The following GPR158 variants were observed in gnomAD, a reference collection of about 807,000 sequenced individuals.
GPR158 encodes metabotropic glycine receptor.
GPR158 carries 30 observed loss-of-function variants against 78.2 expected under a neutral mutation model. The ratio of observed to expected loss-of-function variants is 0.38; its 90% CI spans 0.29 to 0.52. The LOEUF (loss-of-function observed/expected upper bound fraction) is 0.52, where lower values mean the gene tolerates loss of function less well. Ranked by LOEUF, GPR158 falls within the 20% of genes least tolerant of loss-of-function variation. The pLI is 0.83. For missense variants in GPR158, 1,463 were observed against 1,523.5 expected (o/e 0.96, Z 0.66); for synonymous variants, 581 against 591.1 (o/e 0.98, Z 0.25).
At chr10:25,505,672 C>T (rs1364547082) in intron 5 of GPR158, among the ~76,000 whole-genome samples, 2 of 152,202 alleles carry the variant, frequency 1.3e-5, no homozygotes, top group Admixed American at 1.3e-4. Flanking sequence ...CAATGCTGTC[C>T]TCAGATCCAG....
intron 5 of GPR158, chr10:25,475,396 G>T (rs917171976): frequency 6.6e-6 from 1 of 151,990 alleles, no homozygotes; most frequent in African/African-American, 2.4e-5. Context: ...GTAATGGCTC[G>T]AGATAATAAC....
chr10:25,510,006 GC>G (rs1404466285), intron 5 of GPR158, among the ~76,000 whole-genome samples: 1 of 152,170 alleles, frequency 6.6e-6, no homozygotes, highest in Non-Finnish European at 1.5e-5. Flanking sequence ...GAGCCACCGT[GC>G]CCAGCCTATA....
intron 5 of GPR158, among the ~76,000 whole-genome samples, chr10:25,546,955 G>C (rs1381109448): frequency 6.6e-6 from 1 of 152,160 alleles, no homozygotes; most frequent in Non-Finnish European, 1.5e-5. Context: ...GTAGAGATCA[G>C]CTAGCTCCAA....
rs559982439 is a variant in GPR158, at chr10:25,560,415, G to A, written c.1514+9330G>A. On this transcript the variant is annotated intron_variant, in intron 6 of 10. Transcript: ENST00000376351. ...TGAGTAGCTGGGACTACAGGTGCCC[G>A]CCACCATGCCCACCTAATTTTTTGT... 2.8e-3 allele frequency among the ~76,000 whole-genome samples: 431 copies of A among 151,866 alleles called. 2 individuals carry two copies. The highest frequency in any genetic ancestry group is 0.01 in the Middle Eastern group (3 of 294).
intron 2 of GPR158, among the ~76,000 whole-genome samples, chr10:25,338,585 A>ATATTATATATATTATTATATATAATACG (rs1554795051): frequency 4.8e-5 from 7 of 146,478 alleles, no homozygotes; most frequent in Non-Finnish European, 9.0e-5. Context: ...TATATAATAC[A>ATATTATATATATTATTATATATAATACG]TATTATATAT....
In GPR158 at chr10:25,372,356, G is replaced by C. The variant is rs534949267; in HGVS notation, c.1009-23555G>C. Among the ~76,000 whole-genome samples, 7 of 151,742 alleles carry C rather than the reference G, an allele frequency of 4.6e-5. No individual in the cohort carries two copies. In the South Asian group the frequency reaches 1.5e-3, roughly 32 times the overall value. On this transcript the variant is annotated intron_variant, in intron 2 of 10. Transcript: ENST00000376351. ...CATTTGACCCAGCCATCCCATTACT[G>C]GGTATATACCCAAAGGGCTGTAAAT...
chr10:25,204,737 G>A (rs1446805849), intron 1 of GPR158, among the ~76,000 whole-genome samples: 1 of 151,028 alleles, frequency 6.6e-6, no homozygotes, highest in African/African-American at 2.4e-5. Flanking sequence ...GTCTCTGTCA[G>A]GCTTTGGTAT....
chr10:25,339,852 G>A (rs1855278023), intron 2 of GPR158, among the ~76,000 whole-genome samples: 1 of 152,112 alleles, frequency 6.6e-6, no homozygotes, highest in African/African-American at 2.4e-5. Flanking sequence ...TTTCTGGAAT[G>A]AACCCAAGTT....
intron 5 of GPR158, among the ~76,000 whole-genome samples, chr10:25,498,922 G>C (rs2130655679): frequency 6.6e-6 from 1 of 152,248 alleles, no homozygotes; most frequent in East Asian, 1.9e-4. Context: ...TCATTTGCTT[G>C]AGGACTTTCG....
At chr10:25,531,415 G>T (rs1836420607) in intron 5 of GPR158, among the ~76,000 whole-genome samples, 1 of 152,152 alleles carries the variant, frequency 6.6e-6, no homozygotes, top group African/African-American at 2.4e-5. Context: ...TGAATAGGAG[G>T]AAGACTAAAA....
At chr10:25,571,463 A>G (rs1016535567) in intron 6 of GPR158, among the ~76,000 whole-genome samples, 28 of 152,194 alleles carry the variant, frequency 1.8e-4, no homozygotes, top group Non-Finnish European at 3.5e-4. Context: ...AATAATCTTT[A>G]TAAAAAATTC....
At chr10:25,468,755 C>G (rs1021521235) in intron 5 of GPR158, among the ~76,000 whole-genome samples, 2 of 152,162 alleles carry the variant, frequency 1.3e-5, no homozygotes, top group African/African-American at 4.8e-5. Context: ...AGCCAACTTA[C>G]GTTCAGTGGT....
At position 25,519,594 on chromosome 10, in the gene GPR158, G is replaced by T. The variant is rs1369034386; in HGVS notation, c.1405-31382G>T. ...GTGGTGACAAAATCTCTCAGCATTT[G>T]CTTGTCTGTAAAGTATTTTATTTCT... On this transcript the variant is annotated intron_variant, in intron 5 of 10. Coordinates refer to ENST00000376351, the MANE Select transcript of GPR158 (RefSeq NM_020752.3). Among the ~76,000 whole-genome samples the T allele has an allele frequency of 2.1e-5, 3 of 143,600 alleles. No individual in the cohort carries two copies. In the East Asian group the frequency reaches 5.9e-4, roughly 28 times the overall value. The allele number at this position is 143,600 out of a possible 152,430, so 94.2% of individuals were successfully genotyped here.
chr10:25,592,165 T>TA (rs922798224), intron 8 of GPR158, among the ~76,000 whole-genome samples: 12 of 151,930 alleles, frequency 7.9e-5, no homozygotes, highest in African/African-American at 2.9e-4. Flanking sequence ...CTTATATGCT[T>TA]AAAAAAATTA....
chr10:25,342,489 A>C (rs1855315891), intron 2 of GPR158, among the ~76,000 whole-genome samples: 1 of 151,986 alleles, frequency 6.6e-6, no homozygotes, highest in South Asian at 2.1e-4. Flanking sequence ...TATTGTTTTT[A>C]TAAGAAAAGC....
At chr10:25,574,660 G>A (rs1336695726) in intron 7 of GPR158, among the ~76,000 whole-genome samples, 1 of 152,174 alleles carries the variant, frequency 6.6e-6, no homozygotes, top group East Asian at 1.9e-4. Context: ...GCCGAGGTGG[G>A]TGAATCACAA....
At chr10:25,292,812 C>T (rs1472037719) in intron 2 of GPR158, among the ~76,000 whole-genome samples, 3 of 152,070 alleles carry the variant, frequency 2.0e-5, no homozygotes, top group Non-Finnish European at 2.9e-5. Flanking sequence ...CCTGGTTAGA[C>T]ATGTATTTTC....
At position 25,442,829 on chromosome 10, in the gene GPR158, C is replaced by T. The variant is rs914053374; in HGVS notation, c.1336-23822C>T. 7.9e-5 allele frequency among the ~76,000 whole-genome samples: 12 copies of T among 152,226 alleles called. No homozygotes were observed. In the South Asian group the frequency reaches 1.9e-3, roughly 24 times the overall value. On this transcript the variant is annotated intron_variant, in intron 4 of 10. Coordinates refer to ENST00000376351, the MANE Select transcript of GPR158 (RefSeq NM_020752.3). ...ATTCCAGTCCAAGATACTGTCATTT[C>T]TTCCACTGATTGTTATAGTACCTTC...
At chr10:25,240,354 C>T (rs1376948445) in intron 2 of GPR158, among the ~76,000 whole-genome samples, 2 of 152,112 alleles carry the variant, frequency 1.3e-5, no homozygotes, top group East Asian at 1.9e-4. Context: ...ACTGAAAATA[C>T]AAAAATTAGC....
Sources: gnomAD v4.1 joint callset for allele counts (sites outside exome capture counted in the v4.1 genomes callset) on GRCh38, gnomAD v4.1.1 for gene constraint, MANE v1.5 for transcripts, NCBI Gene and HGNC (gene_info 2026-07-23, HGNC 2026-07-21) for gene names.